CAPS2: variants seen among roughly 807,000 people sequenced by gnomAD.
The protein encoded by CAPS2 is calcyphosine 2, also known as calcyphosin-2.
CAPS2 carries 98 observed loss-of-function variants against 86.5 expected under a neutral mutation model. That is an observed-to-expected ratio of 1.13 (90% confidence interval 0.96 to 1.34). The LOEUF (loss-of-function observed/expected upper bound fraction) is 1.34. Ranked by LOEUF, CAPS2 falls within the 40% of genes most tolerant of loss-of-function variation. CAPS2 has a pLI of 0.00. For synonymous variants in CAPS2, 210 were observed against 225.1 expected, an observed-to-expected ratio of 0.93 and a Z score of 0.60; for missense variants, 729 against 686.8, an observed-to-expected ratio of 1.06 and a Z score of -0.69.
chr12:75,277,239 C>T (rs1362002805), exon 17 of CAPS2: 3 of 942,442 alleles, frequency 3.2e-6, no homozygotes, highest in Non-Finnish European at 3.8e-6. Flanking sequence ...GTATAACAGA[C>T]TATACATTTT....
rs117349255 is a variant in CAPS2, at chr12:75,342,529, T to C, written c.-394-19307A>G. Among the ~76,000 whole-genome samples, 18 of 152,306 alleles carry C rather than the reference T, an allele frequency of 1.2e-4. No homozygotes were observed. In the East Asian group the frequency reaches 2.9e-3, roughly 24 times the overall value. On this transcript the variant is annotated intron_variant, in intron 1 of 5. Transcript: ENST00000551829. ...CTTTTGTGATGAGTTGTTTCTGGAC[T>C]CTGTTCTGTTCCATTGAGCTATTTG... is the stretch of plus-strand genomic sequence containing the variant.
chr12:75,322,298 C>T (rs1390950192), intron 4 of CAPS2, among the ~76,000 whole-genome samples: 1 of 152,052 alleles, frequency 6.6e-6, no homozygotes, highest in East Asian at 1.9e-4. Context: ...AAAAGAAGTG[C>T]TATACAAATA....
intron 1 of CAPS2, among the ~76,000 whole-genome samples, chr12:75,388,004 A>T (rs2045378483): frequency 6.6e-6 from 1 of 152,248 alleles, no homozygotes; most frequent in Non-Finnish European, 1.5e-5. Flanking sequence ...TCACATTTGC[A>T]AATTGATATG....
intron 15 of CAPS2, among the ~76,000 whole-genome samples, chr12:75,283,606 G>A (rs2034351366): frequency 1.3e-5 from 2 of 152,096 alleles, no homozygotes; most frequent in South Asian, 4.1e-4. Flanking sequence ...GAGGCTTCAG[G>A]AGTTCAAGAC....
downstream of CAPS2, chr12:75,276,173 C>T: frequency 3.3e-6 from 5 of 1,521,128 alleles, no homozygotes; most frequent in Admixed American, 2.2e-5. Context: ...TTATATATGC[C>T]CATTACCTTC....
At chr12:75,383,378 G>A (rs2045108185) in intron 1 of CAPS2, among the ~76,000 whole-genome samples, 1 of 152,084 alleles carries the variant, frequency 6.6e-6, no homozygotes, top group Non-Finnish European at 1.5e-5. Context: ...AAGAAACCAA[G>A]ATAGCTATAT....
chr12:75,305,888 AC>A, intron 7 of CAPS2: 1 of 806,686 alleles, frequency 1.2e-6, no homozygotes. Flanking sequence ...ACCAGGCTGC[AC>A]CTGAGGCTGT....
Position 75,303,153 on chromosome 12 carries a change from T to C in CAPS2, c.779+1604A>G, listed in dbSNP as rs760132228. 4.6e-4 allele frequency among the ~76,000 whole-genome samples: 70 copies of C among 152,124 alleles called. 1 individual carries two copies. Among genetic ancestry groups the C allele is most frequent in the Non-Finnish European group, 9.1e-4 (62 of 68,010 alleles). On this transcript the variant is annotated intron_variant, in intron 8 of 16. Transcript: ENST00000393284. ...AGATAGGTTGTGGCATGTGGTATAA[T>C]GAAATACTATACAACAATGAGAATA...
At chr12:75,378,311 T>C (rs911003426) in intron 1 of CAPS2, among the ~76,000 whole-genome samples, 1 of 152,190 alleles carries the variant, frequency 6.6e-6, no homozygotes. Flanking sequence ...ATTGGTGCTA[T>C]CTTTTATAAA....
intron 8 of CAPS2, among the ~76,000 whole-genome samples, chr12:75,304,341 T>C (rs1197889726): frequency 6.6e-6 from 1 of 152,208 alleles, no homozygotes; most frequent in Non-Finnish European, 1.5e-5. Flanking sequence ...ATCAGAGGAT[T>C]GTAAAAGATC....
rs529902385 is a variant in CAPS2 at position 75,300,404 on chromosome 12, A to C, written c.780-493T>G. Among the ~76,000 whole-genome samples the C allele has an allele frequency of 1.2e-3, 181 of 151,812 alleles. 2 individuals carry two copies. The highest frequency in any genetic ancestry group is 4.1e-3 in the African/African-American group (169 of 41,372). ...CCCCATCTCTACTAAAAATTACAAA[A>C]AATTAGCCGGGCGTGGTGGTGGGCG... On this transcript the variant is annotated intron_variant, in intron 8 of 16. Coordinates refer to ENST00000393284, the Ensembl canonical transcript of CAPS2.
At position 75,386,976 on chromosome 12, in the gene CAPS2, A is replaced by G. The variant is rs2045327030; in HGVS notation, c.-395+3862T>C. Among the ~76,000 whole-genome samples the G allele has an allele frequency of 2.0e-5, 3 of 152,216 alleles. No homozygotes were observed. In the South Asian group the frequency reaches 6.2e-4, roughly 32 times the overall value. On this transcript the variant is annotated intron_variant, in intron 1 of 5. Coordinates refer to the CAPS2 transcript ENST00000551829. Reference sequence around the variant, plus strand: ...AAACTCCCAGAAGGTTATATAAGAGAAAATCTAGATGATCTTTAATTTGGC... The same window carrying G: ...AAACTCCCAGAAGGTTATATAAGAGGAAATCTAGATGATCTTTAATTTGGC...
upstream of CAPS2, chr12:75,329,826 G>A: frequency 1.3e-6 from 2 of 1,542,830 alleles, no homozygotes; most frequent in Non-Finnish European, 8.8e-7. Context: ...TTATAATTCA[G>A]AGCACCTGCA....
chr12:75,297,985 C>T (rs2037180734), intron 11 of CAPS2, among the ~76,000 whole-genome samples: 1 of 152,148 alleles, frequency 6.6e-6, no homozygotes, highest in South Asian at 2.1e-4. Context: ...GCCCTCTTAT[C>T]TATCTGTGTC....
upstream of CAPS2, chr12:75,334,505 T>C: frequency 7.4e-7 from 1 of 1,346,546 alleles, no homozygotes; most frequent in South Asian, 2.1e-5. Flanking sequence ...AGAGGGCGAC[T>C]CAGAGCTTTC....
At chr12:75,379,375 C>G (rs1458627551) in intron 1 of CAPS2, among the ~76,000 whole-genome samples, 1 of 152,166 alleles carries the variant, frequency 6.6e-6, no homozygotes, top group African/African-American at 2.4e-5. Context: ...GTGGGCTTTC[C>G]TCTTATTGTC....
chr12:75,390,121 T>C (rs533445079), intron 1 of CAPS2, among the ~76,000 whole-genome samples: 79 of 152,242 alleles, frequency 5.2e-4, no homozygotes, highest in Non-Finnish European at 6.5e-4. Context: ...AAGCACAATA[T>C]GTAATATGCA....
At chr12:75,289,382 G>A (rs1418925386) in intron 14 of CAPS2, among the ~76,000 whole-genome samples, 8 of 152,170 alleles carry the variant, frequency 5.3e-5, no homozygotes, top group Non-Finnish European at 1.2e-4. Flanking sequence ...GATCTTGACA[G>A]TACAGAGTAT....
chr12:75,277,470 G>A, exon 17 of CAPS2: 1 of 912,122 alleles, frequency 1.1e-6, no homozygotes, highest in Non-Finnish European at 1.3e-6. Context: ...ACTTATTTCT[G>A]CCAAAATGTC....
Sources: allele counts gnomAD v4.1 joint callset (sites outside exome capture counted in the v4.1 genomes callset), GRCh38; gene constraint gnomAD v4.1.1; transcripts MANE v1.5; gene names NCBI Gene and HGNC (gene_info 2026-07-23, HGNC 2026-07-21).